Variants in CCDC18 observed in about 807,000 individuals in gnomAD.
CCDC18 encodes coiled-coil domain-containing protein 18.
A neutral mutation model predicts 196.0 loss-of-function variants in CCDC18; 157 were observed. The ratio of observed to expected loss-of-function variants is 0.80; its 90% confidence interval spans 0.70 to 0.91. CCDC18 has a LOEUF of 0.91. Among genes scored for constraint, CCDC18 ranks in the 40% least tolerant of loss-of-function variants. The pLI, the probability that CCDC18 is intolerant of heterozygous loss-of-function variation, is 0.00. For missense variants in CCDC18, 1,465 were observed against 1,611.6 expected (o/e 0.91, Z 1.56); for synonymous variants, 482 against 529.2 (o/e 0.91, Z 1.22).
chr1:93,187,660 G>A (rs1650956476), intron 4 of CCDC18, among the ~76,000 whole-genome samples: 1 of 152,018 alleles, frequency 6.6e-6, no homozygotes, highest in African/African-American at 2.4e-5. Context: ...AAAACAAAAT[G>A]CTATTAGGGA....
chr1:93,190,948 T>C (rs1571345705), intron 4 of CCDC18: 1 of 876,206 alleles, frequency 1.1e-6, no homozygotes, highest in African/African-American at 1.6e-5. Context: ...ATATCGACAC[T>C]TTCCCTGGGC....
chr1:93,244,400 G>A (rs1661222786), intron 21 of CCDC18, among the ~76,000 whole-genome samples: 1 of 152,138 alleles, frequency 6.6e-6, no homozygotes, highest in Non-Finnish European at 1.5e-5. Flanking sequence ...TCATAAAAAC[G>A]AATGAACTAC....
At chr1:93,233,790 G>A (rs1659604135) in intron 18 of CCDC18, among the ~76,000 whole-genome samples, 3 of 152,116 alleles carry the variant, frequency 2.0e-5, no homozygotes, top group South Asian at 4.1e-4. Flanking sequence ...TAGAGACAGG[G>A]TTTCTCCATG....
chr1:93,226,294 T>C, intron 16 of CCDC18, 39 bp from the exon 17 acceptor site: 1 of 907,182 alleles, frequency 1.1e-6, no homozygotes, highest in East Asian at 2.5e-5. Context: ...GTATATCGTT[T>C]TGTGTTTTTT....
At position 93,210,856 on chromosome 1, in the gene CCDC18, A is replaced by G. The variant is rs1004398039; in HGVS notation, c.1264A>G (p.Ser422Gly). The change falls in exon 10 of 29, where the codon AGC becomes GGC. Residue 422 changes from serine (S) to glycine (G), a missense_variant. Coordinates refer to ENST00000690025, the MANE Select transcript of CCDC18 (RefSeq NM_001378204.1). ...ATATCTTTCTAAATACCAGATGAGT[A>G]GCTTCTCAAACAAGGAAGACCGTTG... ...KSYLSKYQMS[S>G]FSNKEDRCIG... is the part of the protein sequence containing the mutation. The G allele has an allele frequency of 6.2e-7, 1 of 1,611,868 alleles. No individual in the cohort carries two copies. The highest frequency in any genetic ancestry group is 1.3e-5 in the African/African-American group (1 of 74,904).
chr1:93,254,878 T>C (rs1341436480), intron 24 of CCDC18, among the ~76,000 whole-genome samples: 3 of 151,468 alleles, frequency 2.0e-5, no homozygotes, highest in African/African-American at 7.3e-5. Context: ...ATCTACAATA[T>C]ATGCTTATTT....
At chr1:93,275,217 C>T (rs1665561849) in intron 28 of CCDC18, among the ~76,000 whole-genome samples, 1 of 152,196 alleles carries the variant, frequency 6.6e-6, no homozygotes, top group South Asian at 2.1e-4. Flanking sequence ...AAGCAATTCT[C>T]ATACCTCAGC....
At chr1:93,250,990 C>G (rs1445556451) in intron 23 of CCDC18, among the ~76,000 whole-genome samples, 2 of 152,272 alleles carry the variant, frequency 1.3e-5, no homozygotes, top group East Asian at 3.9e-4. Context: ...CTGTGCCTTT[C>G]TGTTACTTGT....
intron 5 of CCDC18, 92 bp downstream of exon 5, chr1:93,192,198 T>A: frequency 1.2e-6 from 1 of 824,838 alleles, no homozygotes; most frequent in East Asian, 2.7e-5. Context: ...ACCCAATAAA[T>A]TTACAGTAAC....
chr1:93,248,519 G>C (rs1661796124), intron 23 of CCDC18, among the ~76,000 whole-genome samples: 1 of 152,160 alleles, frequency 6.6e-6, no homozygotes, highest in African/African-American at 2.4e-5. Context: ...AATTCCACTT[G>C]GTTATGGTGA....
At chr1:93,182,600 TTTA>T (rs150016210) in intron 1 of CCDC18, among the ~76,000 whole-genome samples, 38 of 152,356 alleles carry the variant, frequency 2.5e-4, no homozygotes, top group Non-Finnish European at 5.0e-4. Flanking sequence ...AATGTGATGC[TTTA>T]TTGTGATTTT....
At chr1:93,243,130 C>G (rs1215961708) in intron 21 of CCDC18, among the ~76,000 whole-genome samples, 3 of 152,236 alleles carry the variant, frequency 2.0e-5, no homozygotes, top group Non-Finnish European at 4.4e-5. Context: ...CATTTCCCTT[C>G]CACACTTTCC....
At chr1:93,212,509 T>C (rs577256509) in intron 11 of CCDC18, among the ~76,000 whole-genome samples, 1 of 152,250 alleles carries the variant, frequency 6.6e-6, no homozygotes, top group African/African-American at 2.4e-5. Context: ...CACCCTCTGA[T>C]AGACCCCAGT....
intron 17 of CCDC18, among the ~76,000 whole-genome samples, chr1:93,227,000 C>T (rs1254954832): frequency 6.6e-6 from 1 of 151,944 alleles, no homozygotes. Context: ...ATTAATATTA[C>T]AGTCATTCTA....
In CCDC18 at chr1:93,226,464, AC is replaced by A. The variant is rs1180457169; in HGVS notation, c.2292+16del. On this transcript the variant is annotated intron_variant, in intron 17 of 28. Transcript: ENST00000690025. ...AATCTGAAGAGGTAAATTAACATTTACTTTATATATAGCATATATTTCAAGT... is the reference window on the plus strand; with the variant it reads ...AATCTGAAGAGGTAAATTAACATTTATTTATATATAGCATATATTTCAAGT... 7 of 1,106,526 alleles carry A rather than the reference AC, an allele frequency of 6.3e-6. No individual in the cohort carries two copies. Among genetic ancestry groups the A allele is most frequent in the Non-Finnish European group, 9.7e-6 (7 of 723,814 alleles). The allele number at this position is 1,106,526 out of a possible 1,614,324, so 68.5% of individuals were successfully genotyped here. A position where few individuals can be genotyped will look rare whatever the true frequency, so the allele number is the denominator to read the frequency against.
chr1:93,245,164 AAAAT>A (rs1661328751), intron 21 of CCDC18, among the ~76,000 whole-genome samples: 1 of 152,236 alleles, frequency 6.6e-6, no homozygotes, highest in South Asian at 2.1e-4. Context: ...AAATATTTGC[AAAAT>A]AAATAAGTGA....
chr1:93,207,595 C>T (rs1378229141), intron 9 of CCDC18, among the ~76,000 whole-genome samples, 197 bp downstream of exon 9: 1 of 152,012 alleles, frequency 6.6e-6, no homozygotes, highest in Non-Finnish European at 1.5e-5. Context: ...TTCTCAGATG[C>T]CATATATAAG....
chr1:93,194,634 C>G (rs1481855164), intron 6 of CCDC18, among the ~76,000 whole-genome samples: 1 of 151,890 alleles, frequency 6.6e-6, no homozygotes, highest in Non-Finnish European at 1.5e-5. Flanking sequence ...AGAAATGTAC[C>G]TCTTAAAAAA....
chr1:93,193,015 A>G (rs1309977986), intron 5 of CCDC18, among the ~76,000 whole-genome samples: 2 of 152,182 alleles, frequency 1.3e-5, no homozygotes, highest in Non-Finnish European at 2.9e-5. Flanking sequence ...TTTGTAATAC[A>G]TATATTATTT....
Sources: gnomAD v4.1 joint callset for allele counts (sites outside exome capture counted in the v4.1 genomes callset) on GRCh38, gnomAD v4.1.1 for gene constraint, MANE v1.5 for transcripts, NCBI Gene and HGNC (gene_info 2026-07-23, HGNC 2026-07-21) for gene names.